Variants in PLAUR observed in about 807,000 individuals in gnomAD.
PLAUR encodes the protein plasminogen activator, urokinase receptor.
PLAUR carries 22 observed loss-of-function variants against 33.4 expected under a neutral mutation model. That is an observed-to-expected ratio of 0.66 (90% CI 0.47 to 0.94). PLAUR has a LOEUF of 0.94. Among genes scored for constraint, PLAUR ranks in the 40% least tolerant of loss-of-function variants. The probability of loss-of-function intolerance (pLI) is 0.00; values close to 1 mark genes in which losing one functional copy is unlikely to be tolerated. For missense variants in PLAUR, 408 were observed against 434.7 expected (o/e 0.94, Z 0.55); for synonymous variants, 148 against 167.3 (o/e 0.88, Z 0.89).
intron 5 of PLAUR, among the ~76,000 whole-genome samples, chr19:43,653,623 C>T (rs1455093827): frequency 1.3e-5 from 2 of 150,876 alleles, no homozygotes; most frequent in Non-Finnish European, 2.9e-5. Context: ...CACGCCACTG[C>T]CCTCCAGCCT....
chr19:43,667,786 C>G (rs1484351776), intron 1 of PLAUR, 95 bp from the exon 2 acceptor site: 3 of 1,523,206 alleles, frequency 2.0e-6, no homozygotes, highest in Non-Finnish European at 2.6e-6. Context: ...CACCAAGTCT[C>G]CAGGCCCCGT....
intron 3 of PLAUR, among the ~76,000 whole-genome samples, chr19:43,658,235 G>A (rs1193422598): frequency 1.3e-5 from 2 of 152,122 alleles, no homozygotes; most frequent in East Asian, 3.9e-4. Context: ...GAAAGTTCAC[G>A]TGGCAGAACT....
At position 43,652,218 on chromosome 19, in the gene PLAUR, G is replaced by T; in HGVS notation, c.754+7C>A. 6.2e-7 allele frequency: 1 copy of T among 1,613,770 alleles called. No homozygotes were observed. The highest frequency in any genetic ancestry group is 8.5e-7 in the Non-Finnish European group (1 of 1,179,778). Reference sequence around the variant, plus strand: ...GTGTTCCCTCCCAGCCTCGGAGAGGGCCTCACCGTGAGTGCCGGTGGCTAC... The same window carrying T: ...GTGTTCCCTCCCAGCCTCGGAGAGGTCCTCACCGTGAGTGCCGGTGGCTAC... On this transcript the variant is annotated splice_region_variant and intron_variant, in intron 6 of 6. Coordinates refer to ENST00000340093, the MANE Select transcript of PLAUR (RefSeq NM_002659.4).
intron 2 of PLAUR, among the ~76,000 whole-genome samples, chr19:43,665,991 C>T (rs1429952926): frequency 6.6e-6 from 1 of 151,898 alleles, no homozygotes; most frequent in Admixed American, 6.6e-5. Context: ...AGCACTACAA[C>T]TGGGACTTTC....
At chr19:43,665,243 T>A (rs1967174749) in intron 3 of PLAUR, 73 bp downstream of exon 3, 1 of 1,488,624 alleles carries the variant, frequency 6.7e-7, no homozygotes, top group South Asian at 1.1e-5. Context: ...AAGTTAAGAA[T>A]AGGATTGGGA....
chr19:43,648,927 G>A lies in PLAUR; in HGVS notation c.971C>T (p.Thr324Ile). Reference sequence around the variant, plus strand: ...GAGAGTGCCTCCCCACAGTCTGGCAGTCATTAGCAGGGTGATGGTGAGGCT... The same window carrying A: ...GAGAGTGCCTCCCCACAGTCTGGCAATCATTAGCAGGGTGATGGTGAGGCT... ...HLSLTITLLMTARLWGGTLLW... is the reference protein window; with the variant it reads ...HLSLTITLLMIARLWGGTLLW... The change falls in exon 7 of 7, where the codon ACT becomes ATT. Residue 324 changes from threonine to isoleucine, a missense_variant. Transcript: ENST00000340093. 1 of 1,614,168 alleles carries A rather than the reference G, an allele frequency of 6.2e-7. No individual in the cohort carries two copies. Among genetic ancestry groups the A allele is most frequent in the Non-Finnish European group, 8.5e-7 (1 of 1,180,014 alleles).
intron 2 of PLAUR, among the ~76,000 whole-genome samples, chr19:43,665,745 G>C (rs4251942): frequency 0.98 from 122,729 of 125,298 alleles, 60,088 homozygotes; most frequent in East Asian, 0.99. Flanking sequence ...TAGCTCACTG[G>C]AGCCTTGACC....
At chr19:43,657,388 C>A (rs1291375123) in intron 3 of PLAUR, among the ~76,000 whole-genome samples, 2 of 152,166 alleles carry the variant, frequency 1.3e-5, no homozygotes, top group East Asian at 1.9e-4. Flanking sequence ...GGCCTGAGCA[C>A]CTCTCCTGCC....
intron 5 of PLAUR, 117 bp downstream of exon 5, chr19:43,655,322 G>T: frequency 1.2e-4 from 73 of 592,030 alleles, no homozygotes; most frequent in Non-Finnish European, 1.6e-4. Context: ...CCATTTTTCA[G>T]AAAAGCAAAC....
chr19:43,653,986 T>G (rs1207044154), intron 5 of PLAUR, among the ~76,000 whole-genome samples: 3 of 151,888 alleles, frequency 2.0e-5, no homozygotes, highest in African/African-American at 7.3e-5. Flanking sequence ...TAGCCAGGCA[T>G]GGTGGTGGGT....
At chr19:43,655,221 G>A (rs1406019864) in intron 5 of PLAUR, among the ~76,000 whole-genome samples, 1 of 143,518 alleles carries the variant, frequency 7.0e-6, no homozygotes, top group Admixed American at 7.3e-5. Context: ...AGTTTACAGT[G>A]AGCGGAGATC....
At chr19:43,647,989 G>T, downstream of PLAUR, among the ~76,000 whole-genome samples, 1 of 150,550 alleles carries the variant, frequency 6.6e-6, no homozygotes, top group Admixed American at 6.6e-5. Flanking sequence ...TTTTGGAAGG[G>T]GGTGCTTATC....
intron 6 of PLAUR, among the ~76,000 whole-genome samples, chr19:43,649,629 AAGAAAGAG>A (rs1368075310): frequency 6.7e-6 from 1 of 150,338 alleles, no homozygotes; most frequent in African/African-American, 2.5e-5. Context: ...AAAGAAAAGA[AAGAAAGAG>A]AGAGAGAGGG....
chr19:43,650,658 A>C (rs1293645677), intron 6 of PLAUR, among the ~76,000 whole-genome samples: 1 of 151,938 alleles, frequency 6.6e-6, no homozygotes, highest in Non-Finnish European at 1.5e-5. Context: ...AACTATACTT[A>C]TTTTTCATTA....
chr19:43,659,007 A>G (rs1415581017), intron 3 of PLAUR, among the ~76,000 whole-genome samples: 1 of 151,278 alleles, frequency 6.6e-6, no homozygotes, highest in Non-Finnish European at 1.5e-5. Context: ...GCCCTCCCTG[A>G]CCCATCAGCC....
intron 1 of PLAUR, chr19:43,668,131 C>A: frequency 1.0e-6 from 1 of 1,000,662 alleles, no homozygotes; most frequent in Non-Finnish European, 1.2e-6. Context: ...TATGTTATAC[C>A]GTCACTCCCA....
chr19:43,663,300 TACACACACACACAC>T (rs59542257), intron 3 of PLAUR, among the ~76,000 whole-genome samples: 2,557 of 131,872 alleles, frequency 0.019, 63 homozygotes, highest in East Asian at 0.049. Context: ...CTGTCACCCC[TACACACACACACAC>T]ACACACACAC....
At chr19:43,667,443 A>C in intron 2 of PLAUR, 138 bp downstream of exon 2, 1 of 646,314 alleles carries the variant, frequency 1.5e-6, no homozygotes, top group African/African-American at 1.8e-5. Flanking sequence ...AATGCTTGCC[A>C]ATCTGGTGGG....
At chr19:43,655,276 CAAAAAAAAA>C (rs34689348) in intron 5 of PLAUR, among the ~76,000 whole-genome samples, 154 bp downstream of exon 5, 1 of 66,190 alleles carries the variant, frequency 1.5e-5, no homozygotes, top group Non-Finnish European at 2.9e-5. Flanking sequence ...GACTCCGTCT[CAAAAAAAAA>C]AAAAAAAAAA....
Sources: gnomAD v4.1 joint callset for allele counts (sites outside exome capture counted in the v4.1 genomes callset) on GRCh38, gnomAD v4.1.1 for gene constraint, MANE v1.5 for transcripts, NCBI Gene and HGNC (gene_info 2026-07-23, HGNC 2026-07-21) for gene names.